LITAF: variants seen among roughly 807,000 people sequenced by gnomAD.
The protein encoded by LITAF is lipopolysaccharide-induced tumor necrosis factor-alpha factor.
LITAF carries 9 observed loss-of-function variants against 14.5 expected under a neutral mutation model. The observed-to-expected ratio is 0.62, with a 90% CI of 0.37 to 1.08. The LOEUF (loss-of-function observed/expected upper bound fraction) is 1.08. LITAF is among the 50% of genes least tolerant of loss of function. The pLI is 0.01. For synonymous variants in LITAF, 98 were observed against 88.2 expected (o/e 1.11, Z -0.62); for missense variants, 206 against 213.4 (o/e 0.97, Z 0.22).
upstream of LITAF, among the ~76,000 whole-genome samples, chr16:11,601,299 C>G (rs2064924880): frequency 6.6e-6 from 1 of 151,980 alleles, no homozygotes; most frequent in Non-Finnish European, 1.5e-5. Context: ...CCCACCCAAC[C>G]CCATTCCACT....
At chr16:11,570,243 G>A (rs2064521085) in intron 1 of LITAF, among the ~76,000 whole-genome samples, 1 of 152,152 alleles carries the variant, frequency 6.6e-6, no homozygotes, top group South Asian at 2.1e-4. Flanking sequence ...CTGTGAGAAT[G>A]TAGTGAGCAA....
intron 1 of LITAF, among the ~76,000 whole-genome samples, chr16:11,573,701 CTTTTT>C (rs58695999): frequency 5.4e-5 from 6 of 111,926 alleles, no homozygotes; most frequent in African/African-American, 3.5e-5. Context: ...AGAAGATATC[CTTTTT>C]TTTTTTTTTT....
In LITAF at chr16:11,549,752, G is replaced by C. The variant is rs969563231; in HGVS notation, c.378-7C>G. 1 of 1,609,272 alleles carries C rather than the reference G, an allele frequency of 6.2e-7. No individual in the cohort carries two copies. Among genetic ancestry groups the C allele is most frequent in the East Asian group, 2.2e-5 (1 of 44,758 alleles). ...GCAGCAGCCCGCTATGCACCTGGGA[G>C]GAGAGAGAGACACACGGAGCGCGTT... is the stretch of plus-strand genomic sequence containing the variant. On this transcript the variant is annotated splice_region_variant and splice_polypyrimidine_tract_variant and intron_variant, in intron 3 of 3. Coordinates refer to ENST00000622633, the MANE Select transcript of LITAF (RefSeq NM_001136472.2). The surrounding 1 kb of genome is among the most constrained non-coding windows in gnomAD (Gnocchi z 4.6).
rs1018205887 is a variant in LITAF at position 11,615,928 on chromosome 16, C to A, written c.85+17605G>T. 4.6e-5 allele frequency among the ~76,000 whole-genome samples: 7 copies of A among 152,260 alleles called. 1 individual carries two copies. The East Asian group carries it at 1.4e-3, about 29-fold the overall frequency. ...AAGGTTCAGTTCACCCACTCCTCAC[C>A]TCTGGGGAGGGGAGAGGGACTAGGA... On this transcript the variant is annotated intron_variant, in intron 3 of 3. Coordinates refer to the LITAF transcript ENST00000574848.
intron 3 of LITAF, among the ~76,000 whole-genome samples, chr16:11,604,124 G>C (rs2064942456): frequency 6.6e-6 from 1 of 152,180 alleles, no homozygotes; most frequent in Non-Finnish European, 1.5e-5. Context: ...GAGCCCAGGA[G>C]TTTGAGACCA....
At chr16:11,561,285 C>T (rs909356275) in intron 1 of LITAF, 1 of 152,226 alleles carries the variant, frequency 6.6e-6, no homozygotes, top group African/African-American at 2.4e-5. Flanking sequence ...GGCAGCGGCG[C>T]AATTCCTGCA....
chr16:11,570,879 C>A (rs1384517226), intron 1 of LITAF, among the ~76,000 whole-genome samples: 1 of 151,976 alleles, frequency 6.6e-6, no homozygotes, highest in Non-Finnish European at 1.5e-5. Flanking sequence ...AGCTGCACCA[C>A]TACACTCCAG....
chr16:11,622,907 C>A lies in LITAF; in HGVS notation c.85+10626G>T, dbSNP rs138404124. ...TTCGTATATCATTAGTTCATTTAAT[C>A]GTCATCATGACCCAATTAGTTGTAT... On this transcript the variant is annotated intron_variant, in intron 3 of 3. Transcript: ENST00000574848. Among the ~76,000 whole-genome samples, 46 of 151,046 alleles carry A rather than the reference C, an allele frequency of 3.0e-4. 2 individuals are homozygous for A. In the East Asian group the frequency reaches 8.4e-3, roughly 27 times the overall value.
chr16:11,592,591 A>AG (rs1371484143), intron 1 of LITAF, among the ~76,000 whole-genome samples: 2 of 151,274 alleles, frequency 1.3e-5, no homozygotes, highest in Non-Finnish European at 2.9e-5. Context: ...AAAAAAAAAA[A>AG]GGGCAAAGGA....
upstream of LITAF, among the ~76,000 whole-genome samples, chr16:11,602,138 G>A (rs1371254195): frequency 1.3e-5 from 2 of 152,174 alleles, no homozygotes; most frequent in East Asian, 3.9e-4. Flanking sequence ...GAGGCGGACG[G>A]ATTGCCTGAG....
chr16:11,556,488 G>A (rs1338871016), intron 2 of LITAF, 23 bp downstream of exon 2: 3 of 1,598,252 alleles, frequency 1.9e-6, no homozygotes, highest in Admixed American at 3.4e-5. Context: ...AATGGTAAGG[G>A]GGGCCTGGGA....
chr16:11,561,137 A>T (rs185908051), intron 1 of LITAF: 2 of 152,356 alleles, frequency 1.3e-5, no homozygotes, highest in Admixed American at 1.3e-4. Context: ...GACTCGTATA[A>T]AAACTTACAA....
In LITAF at chr16:11,553,819, C is replaced by T. The variant is rs576182254; in HGVS notation, c.221-130G>A. 99 of 1,061,206 alleles carry T rather than the reference C, an allele frequency of 9.3e-5. No homozygotes were observed. The highest frequency in any genetic ancestry group is 1.6e-4 in the Admixed American group (8 of 48,998). The allele number at this position is 1,061,206 out of a possible 1,614,324, so 65.7% of individuals were successfully genotyped here. On this transcript the variant is annotated intron_variant, in intron 2 of 3. Transcript: ENST00000622633. This position sits in a 1 kb window ranked among gnomAD's most constrained non-coding sequence, Gnocchi z 7.7. The stretch of plus-strand genomic sequence containing the variant: ...TTTGTACATTTGTGTTCATAGCATG[C>T]GTTCATCGTCTGGCTATCTATGAGA...
At chr16:11,574,409 G>A (rs917758465) in intron 1 of LITAF, among the ~76,000 whole-genome samples, 4 of 152,188 alleles carry the variant, frequency 2.6e-5, no homozygotes, top group Admixed American at 6.5e-5. Flanking sequence ...AACGGTCGGT[G>A]TTTGTCGGGA....
upstream of LITAF, among the ~76,000 whole-genome samples, chr16:11,588,515 GAGAAAGAAAAAAAAA>G (rs2064828871): frequency 1.7e-5 from 2 of 117,110 alleles, no homozygotes. Flanking sequence ...AGAGGGAAAA[GAGAAAGAAAAAAAAA>G]AGAAAGAAAA....
At chr16:11,637,166 T>C (rs76721714), upstream of LITAF, among the ~76,000 whole-genome samples, 207 of 152,320 alleles carry the variant, frequency 1.4e-3, 1 homozygote, top group Middle Eastern at 3.4e-3. Context: ...GCTATGATTA[T>C]AGGCGCAGGC....
In LITAF at chr16:11,577,078, G is replaced by C. The variant is rs140547018; in HGVS notation, c.-6+9808C>G. Among the ~76,000 whole-genome samples, 753 of 152,222 alleles carry C rather than the reference G, an allele frequency of 4.9e-3. 5 individuals carry two copies. The highest frequency in any genetic ancestry group is 0.017 in the African/African-American group (722 of 41,546). On this transcript the variant is annotated intron_variant, in intron 1 of 3. Transcript: ENST00000622633. ...CCTTGATGACATATGTCTTCCTCCT[G>C]CATCCTAATTGCTTCCTGTCTGCAA...
intron 2 of LITAF, among the ~76,000 whole-genome samples, chr16:11,554,344 G>A (rs1427925033): frequency 1.3e-5 from 2 of 152,160 alleles, no homozygotes; most frequent in Admixed American, 1.3e-4. Flanking sequence ...CAATGATAAG[G>A]GTAGAGTTTA....
Position 11,612,040 on chromosome 16 carries a change from C to G in LITAF, c.85+21493G>C, listed in dbSNP as rs571619294. On this transcript the variant is annotated intron_variant, in intron 3 of 3. Coordinates refer to the LITAF transcript ENST00000574848. ...ACCCCCATCCAACGCAACTTAATGG[C>G]TTCCTTCTTCCTTCTTCCCCTCGGG... 7.9e-5 allele frequency among the ~76,000 whole-genome samples: 12 copies of G among 152,286 alleles called. 1 individual carries two copies. In the East Asian group the frequency reaches 2.3e-3, roughly 29 times the overall value.
Sources: gnomAD v4.1 joint callset for allele counts (sites outside exome capture counted in the v4.1 genomes callset) on GRCh38, gnomAD v4.1.1 for gene constraint, Gnocchi (gnomAD v3.1) non-coding constraint, MANE v1.5 for transcripts, NCBI Gene and HGNC (gene_info 2026-07-23, HGNC 2026-07-21) for gene names.